The following DLC1 variants were observed in gnomAD, a reference collection of about 807,000 sequenced individuals.
DLC1 encodes the protein rho GTPase-activating protein 7.
Under a neutral mutation model 140.3 loss-of-function variants are expected in DLC1, and 54 were observed. The observed-to-expected ratio is 0.38, with a 90% CI of 0.31 to 0.48. DLC1 has a LOEUF of 0.48. Among genes scored for constraint, DLC1 ranks in the 20% least tolerant of loss-of-function variants. The pLI is 0.96. For synonymous variants in DLC1, 986 were observed against 728.1 expected, an observed-to-expected ratio of 1.35 and a Z score of -5.70; for missense variants, 2,536 against 1,907.0, an observed-to-expected ratio of 1.33 and a Z score of -6.14.
intron 2 of DLC1, among the ~76,000 whole-genome samples, chr8:13,418,195 C>T (rs908927606): frequency 2.3e-4 from 35 of 152,192 alleles, no homozygotes; most frequent in African/African-American, 7.9e-4. Flanking sequence ...GTTTCTTTTG[C>T]TGTGCAGAAG....
At chr8:13,579,245 C>CATACGT (rs1554546967) in intron 1 of DLC1, among the ~76,000 whole-genome samples, 1 of 18,906 alleles carries the variant, frequency 5.3e-5, no homozygotes, top group Non-Finnish European at 1.0e-4. Flanking sequence ...GAACAGGGAG[C>CATACGT]ATATATATAT....
At chr8:13,501,886 G>T (rs1801837785) in intron 1 of DLC1, among the ~76,000 whole-genome samples, 1 of 152,158 alleles carries the variant, frequency 6.6e-6, no homozygotes, top group Non-Finnish European at 1.5e-5. Flanking sequence ...ATGCAAGCCA[G>T]AAAATTTCTG....
At chr8:13,291,028 C>T (rs1414260490) in intron 5 of DLC1, among the ~76,000 whole-genome samples, 2 of 152,194 alleles carry the variant, frequency 1.3e-5, no homozygotes, top group Non-Finnish European at 2.9e-5. Flanking sequence ...CAGCCTCAGC[C>T]TCCCAATTAG....
intron 1 of DLC1, among the ~76,000 whole-genome samples, chr8:13,571,959 G>T (rs987823949): frequency 1.3e-5 from 2 of 152,016 alleles, no homozygotes; most frequent in South Asian, 2.1e-4. Flanking sequence ...AATCCCTAAT[G>T]ATGCTAAACA....
At chr8:13,584,889 C>A (rs1805245950) in intron 1 of DLC1, among the ~76,000 whole-genome samples, 1 of 152,140 alleles carries the variant, frequency 6.6e-6, no homozygotes, top group South Asian at 2.1e-4. Context: ...AACCTTTCCC[C>A]ACTGTCTATT....
At position 13,579,336 on chromosome 8, in the gene DLC1, TA is replaced by T. The variant is rs1436136233; in HGVS notation, c.-126+25200del. 9.4e-4 allele frequency among the ~76,000 whole-genome samples: 19 copies of T among 20,246 alleles called. 6 individuals carry two copies. The highest frequency in any genetic ancestry group is 8.8e-3 in the South Asian group (6 of 680). 13.3% of individuals were successfully genotyped at this position (20,246 alleles called of 152,430 possible). On this transcript the variant is annotated intron_variant, in intron 1 of 1. Coordinates refer to the DLC1 transcript ENST00000631382. Reference sequence around the variant, plus strand: ...GACTTTATATATATATATATATATATATATATATATATATATATATATATAT... The same window carrying T: ...GACTTTATATATATATATATATATATTATATATATATATATATATATATAT...
At chr8:13,493,790 T>A (rs985195582) in intron 2 of DLC1, among the ~76,000 whole-genome samples, 1 of 152,190 alleles carries the variant, frequency 6.6e-6, no homozygotes, top group Admixed American at 6.5e-5. Context: ...TTTACTATCT[T>A]CTTTATGTCA....
At chr8:13,595,930 A>T (rs536476477) in intron 1 of DLC1, among the ~76,000 whole-genome samples, 2 of 152,012 alleles carry the variant, frequency 1.3e-5, no homozygotes, top group African/African-American at 4.8e-5. Context: ...AATATATCAC[A>T]CAAAAGCAAT....
intron 1 of DLC1, among the ~76,000 whole-genome samples, chr8:13,574,175 A>G (rs1294877696): frequency 6.6e-6 from 1 of 152,176 alleles, no homozygotes; most frequent in Non-Finnish European, 1.5e-5. Flanking sequence ...GCATGTATAT[A>G]TACACATTCT....
intron 2 of DLC1, among the ~76,000 whole-genome samples, chr8:13,412,462 T>A (rs142034900): frequency 0.014 from 2,071 of 152,246 alleles, 45 homozygotes; most frequent in African/African-American, 0.047. Flanking sequence ...GTCTTCGTTG[T>A]GGCATTTTTT....
intron 2 of DLC1, among the ~76,000 whole-genome samples, chr8:13,482,609 A>G (rs950464506): frequency 2.6e-5 from 4 of 152,338 alleles, no homozygotes; most frequent in Non-Finnish European, 4.4e-5. Flanking sequence ...GTAATTAACT[A>G]TACGTCATAG....
intron 1 of DLC1, among the ~76,000 whole-genome samples, chr8:13,540,770 T>G (rs1194737826): frequency 6.6e-6 from 1 of 152,200 alleles, no homozygotes; most frequent in Admixed American, 6.5e-5. Flanking sequence ...TGGCAATCAC[T>G]CATCTGGGGA....
intron 3 of DLC1, among the ~76,000 whole-genome samples, chr8:13,395,931 A>G (rs988897787): frequency 3.3e-5 from 5 of 152,116 alleles, no homozygotes; most frequent in Non-Finnish European, 7.4e-5. Context: ...TTGGATCAAC[A>G]TCAAGTAGTC....
At chr8:13,423,716 G>T (rs34803037) in intron 2 of DLC1, among the ~76,000 whole-genome samples, 11,106 of 152,072 alleles carry the variant, frequency 0.073, 546 homozygotes, top group East Asian at 0.14. Flanking sequence ...AACCACAGAT[G>T]TTTACTGATG....
intron 5 of DLC1, chr8:13,304,753 C>T: frequency 1.0e-6 from 1 of 956,520 alleles, no homozygotes; most frequent in East Asian, 1.1e-4. Flanking sequence ...TGTCCATTTC[C>T]CATAATACTG....
intron 5 of DLC1, among the ~76,000 whole-genome samples, chr8:13,261,242 A>G (rs1396822576): frequency 1.3e-5 from 2 of 152,212 alleles, no homozygotes; most frequent in Non-Finnish European, 2.9e-5. Context: ...ACATTTCAGC[A>G]GAGACCTGGA....
intron 5 of DLC1, among the ~76,000 whole-genome samples, chr8:13,207,626 T>C (rs1321355893): frequency 6.6e-6 from 1 of 152,154 alleles, no homozygotes; most frequent in African/African-American, 2.4e-5. Flanking sequence ...CTTTACACCA[T>C]ATATTAGTGC....
chr8:13,258,820 A>G (rs1298560478), intron 5 of DLC1, among the ~76,000 whole-genome samples: 1 of 152,112 alleles, frequency 6.6e-6, no homozygotes, highest in Non-Finnish European at 1.5e-5. Flanking sequence ...AGAATACTCA[A>G]TTTCATTTTC....
chr8:13,244,574 C>T (rs1829682828), intron 5 of DLC1, among the ~76,000 whole-genome samples: 2 of 152,118 alleles, frequency 1.3e-5, no homozygotes, highest in South Asian at 2.1e-4. Context: ...GCTGGGATTA[C>T]AGGCATGAGC....
Sources: allele counts gnomAD v4.1 joint callset (sites outside exome capture counted in the v4.1 genomes callset), GRCh38; gene constraint gnomAD v4.1.1; transcripts MANE v1.5; gene names NCBI Gene and HGNC (gene_info 2026-07-23, HGNC 2026-07-21).